The following TRAK1 variants were observed in gnomAD, a reference collection of about 807,000 sequenced individuals.
TRAK1 encodes the protein trafficking kinesin protein 1, also known as trafficking kinesin-binding protein 1.
Under a neutral mutation model 92.1 loss-of-function variants are expected in TRAK1, and 33 were observed. That is an observed-to-expected ratio of 0.36 (90% confidence interval 0.27 to 0.48). The LOEUF (loss-of-function observed/expected upper bound fraction) is 0.48. TRAK1 is among the 20% of genes least tolerant of loss of function. The pLI is 0.99. For synonymous variants in TRAK1, 521 were observed against 517.3 expected (o/e 1.01, Z -0.10); for missense variants, 1,123 against 1,257.9 (o/e 0.89, Z 1.62).
chr3:42,217,508 A>G (rs1180346865), intron 14 of TRAK1: 3 of 985,256 alleles, frequency 3.0e-6, no homozygotes, highest in Admixed American at 1.2e-4. Flanking sequence ...TAAAATGTCC[A>G]TCTTACACTC....
intron 1 of TRAK1, among the ~76,000 whole-genome samples, chr3:42,019,479 G>A (rs1020823520): frequency 2.0e-5 from 3 of 152,098 alleles, no homozygotes; most frequent in Non-Finnish European, 2.9e-5. Flanking sequence ...GTCTTGCTAT[G>A]TTGCCCAGGC....
intron 1 of TRAK1, among the ~76,000 whole-genome samples, chr3:42,040,230 G>A (rs1702481942): frequency 6.6e-6 from 1 of 151,880 alleles, no homozygotes; most frequent in Non-Finnish European, 1.5e-5. Flanking sequence ...TGTGCTTTTG[G>A]TGTCATATCT....
intron 14 of TRAK1, among the ~76,000 whole-genome samples, chr3:42,214,041 G>T (rs1485695409): frequency 1.3e-5 from 2 of 152,166 alleles, no homozygotes; most frequent in African/African-American, 4.8e-5. Flanking sequence ...AAGAATGAAA[G>T]AATTGACTCC....
At position 42,224,062 on chromosome 3, in the gene TRAK1, G is replaced by A; in HGVS notation, c.*325G>A. 2.0e-6 allele frequency: 1 copy of A among 508,324 alleles called. No homozygotes were observed. The highest frequency in any genetic ancestry group is 1.5e-5 in the South Asian group (1 of 64,956). The allele number at this position is 508,324 out of a possible 1,614,324, so 31.5% of individuals were successfully genotyped here. ...GTCCTTTCTTCTTTCCTTTTGAGAA[G>A]CACTGAAACTCCCAAGTGTGTTCTT... On this transcript the variant is annotated 3_prime_UTR_variant, in exon 16 of 16. Coordinates refer to ENST00000327628, the MANE Select transcript of TRAK1 (RefSeq NM_001042646.3).
chr3:42,056,921 A>G (rs1703226369), intron 1 of TRAK1, among the ~76,000 whole-genome samples: 1 of 152,170 alleles, frequency 6.6e-6, no homozygotes, highest in South Asian at 2.1e-4. Context: ...TGTGTGAGAG[A>G]CAAAGTAAAG....
intron 13 of TRAK1, among the ~76,000 whole-genome samples, chr3:42,209,530 T>A (rs1708724749): frequency 6.6e-6 from 1 of 151,904 alleles, no homozygotes; most frequent in East Asian, 1.9e-4. Flanking sequence ...AAAAAAAAAA[T>A]GGTTGATTTC....
intron 1 of TRAK1, among the ~76,000 whole-genome samples, chr3:42,017,120 G>A (rs1049766065): frequency 6.6e-6 from 1 of 152,146 alleles, no homozygotes; most frequent in Non-Finnish European, 1.5e-5. Flanking sequence ...AAGTAGCCGG[G>A]CGTGGCAGCA....
At chr3:42,199,651 C>G (rs1038005247) in intron 11 of TRAK1, among the ~76,000 whole-genome samples, 5 of 152,168 alleles carry the variant, frequency 3.3e-5, no homozygotes, top group Non-Finnish European at 5.9e-5. Context: ...AGACATAGGG[C>G]TTCACCATGT....
intron 13 of TRAK1, among the ~76,000 whole-genome samples, chr3:42,208,056 C>T (rs1014372554): frequency 3.9e-5 from 6 of 152,096 alleles, no homozygotes; most frequent in Admixed American, 6.5e-5. Context: ...GAGTGGGGTA[C>T]GGGGCGCAAA....
chr3:42,060,554 A>G (rs1009113808), intron 1 of TRAK1, among the ~76,000 whole-genome samples: 1 of 151,038 alleles, frequency 6.6e-6, no homozygotes, highest in Non-Finnish European at 1.5e-5. Context: ...TCAGTCTGTC[A>G]TTGGGAACAA....
intron 14 of TRAK1, among the ~76,000 whole-genome samples, chr3:42,215,399 A>G (rs958767597): frequency 6.6e-6 from 1 of 152,242 alleles, no homozygotes; most frequent in African/African-American, 2.4e-5. Flanking sequence ...CCTAGGGGAT[A>G]GTCCAAGACA....
chr3:42,036,027 C>T (rs1702313559), intron 1 of TRAK1, among the ~76,000 whole-genome samples: 1 of 152,184 alleles, frequency 6.6e-6, no homozygotes, highest in African/African-American at 2.4e-5. Flanking sequence ...CCCAAGTGAC[C>T]CATCTGTGTC....
upstream of TRAK1, among the ~76,000 whole-genome samples, chr3:42,086,028 T>C (rs1263244676): frequency 1.3e-5 from 2 of 152,210 alleles, no homozygotes; most frequent in African/African-American, 4.8e-5. Context: ...TTGAGATCTC[T>C]TGTGCTGAGG....
intron 1 of TRAK1, among the ~76,000 whole-genome samples, chr3:42,035,251 C>T (rs60557443): frequency 0.038 from 5,717 of 152,216 alleles, 390 homozygotes; most frequent in African/African-American, 0.13. Flanking sequence ...TGGTTTTCCT[C>T]CTACTTCTCC....
chr3:42,097,962 T>C (rs1706184661), intron 1 of TRAK1, among the ~76,000 whole-genome samples: 1 of 152,184 alleles, frequency 6.6e-6, no homozygotes, highest in Non-Finnish European at 1.5e-5. Flanking sequence ...CAGTGATGTT[T>C]CTATTTCCGG....
intron 1 of TRAK1, among the ~76,000 whole-genome samples, chr3:42,026,447 G>T (rs1305768658): frequency 5.3e-5 from 8 of 151,626 alleles, no homozygotes; most frequent in Non-Finnish European, 8.8e-5. Flanking sequence ...ATACCAATTT[G>T]TGTGTTGTTT....
At chr3:42,204,754 T>C (rs1708131003) in intron 13 of TRAK1, among the ~76,000 whole-genome samples, 1 of 152,038 alleles carries the variant, frequency 6.6e-6, no homozygotes, top group African/African-American at 2.4e-5. Flanking sequence ...CTGGCTAATT[T>C]ATTTATTTGT....
At chr3:42,207,197 A>G (rs1426456252) in intron 13 of TRAK1, among the ~76,000 whole-genome samples, 2 of 152,184 alleles carry the variant, frequency 1.3e-5, no homozygotes, top group African/African-American at 4.8e-5. Flanking sequence ...ATGGCAGTAC[A>G]GTGGCTACTT....
chr3:42,165,933 C>T (rs985198723), intron 2 of TRAK1, among the ~76,000 whole-genome samples: 30 of 152,074 alleles, frequency 2.0e-4, no homozygotes, highest in Admixed American at 3.9e-4. Context: ...AGCCTACTCA[C>T]GTTCTCTGTA....
Sources: allele counts gnomAD v4.1 joint callset (sites outside exome capture counted in the v4.1 genomes callset), GRCh38; gene constraint gnomAD v4.1.1; transcripts MANE v1.5; gene names NCBI Gene and HGNC (gene_info 2026-07-23, HGNC 2026-07-21).